Variants in DDX25 observed in about 807,000 individuals in gnomAD.
DDX25 encodes DEAD-box helicase 25, also known as ATP-dependent RNA helicase DDX25.
In DDX25, 70 loss-of-function variants were observed where a neutral mutation model predicts 64.6. That is an observed-to-expected ratio of 1.08 (90% CI 0.89 to 1.32). The LOEUF (loss-of-function observed/expected upper bound fraction) is 1.32, where lower values mean the gene tolerates loss of function less well. Among genes scored for constraint, DDX25 ranks in the 40% most tolerant of loss-of-function variants. DDX25 has a pLI of 0.00. For missense variants in DDX25, 587 were observed against 604.4 expected (o/e 0.97, Z 0.30); for synonymous variants, 211 against 213.3 (o/e 0.99, Z 0.09).
rs1219223444 is a variant in DDX25, at chr11:125,905,957, G to C, written c.176-117G>C. 6.2e-6 allele frequency: 8 copies of C among 1,296,024 alleles called. No homozygotes were observed. The East Asian group carries it at 2.1e-4, about 33-fold the overall frequency. 80.3% of individuals were successfully genotyped at this position (1,296,024 alleles called of 1,614,324 possible). ...TCATTCTTTCTGGAACCCTCTTTTA[G>C]AGGAAAAATGAGCGTAGGTGCAATT... is the stretch of plus-strand genomic sequence containing the variant. On this transcript the variant is annotated intron_variant, in intron 3 of 11. Transcript: ENST00000263576.
At chr11:125,906,774 C>T (rs895006335) in intron 4 of DDX25, among the ~76,000 whole-genome samples, 5 of 137,122 alleles carry the variant, frequency 3.6e-5, no homozygotes, top group East Asian at 2.1e-4. Flanking sequence ...TGCAGTGAGC[C>T]GAGACACCAT....
chr11:125,920,906 C>CCACACACACA (rs1383313967), intron 10 of DDX25: 8 of 249,638 alleles, frequency 3.2e-5, no homozygotes, highest in African/African-American at 2.1e-4. Flanking sequence ...CACCTCTCCA[C>CCACACACACA]CACACACACA....
At position 125,917,227 on chromosome 11, in the gene DDX25, T is replaced by C; in HGVS notation, c.1014T>C (p.Ile338=). The C allele has an allele frequency of 1.2e-6, 2 of 1,607,846 alleles. No individual in the cohort carries two copies. Among genetic ancestry groups the C allele is most frequent in the South Asian group, 1.1e-5 (1 of 89,238 alleles). ...ALCNIYGSIT[I]GQAIIFCQTR... ...GCAACATTTATGGCAGCATCACCATTGGTCAGGCCATCATCTTCTGCCAGG... is the reference window on the plus strand; with the variant it reads ...GCAACATTTATGGCAGCATCACCATCGGTCAGGCCATCATCTTCTGCCAGG... Residue 338 remains isoleucine (I), a synonymous_variant, in exon 9 of 12, where the codon ATT becomes ATC. Coordinates refer to ENST00000263576, the MANE Select transcript of DDX25 (RefSeq NM_013264.5).
intron 8 of DDX25, among the ~76,000 whole-genome samples, chr11:125,915,890 A>G (rs1357916834): frequency 1.3e-5 from 2 of 152,214 alleles, no homozygotes; most frequent in South Asian, 2.1e-4. Flanking sequence ...TCCGTCTTCC[A>G]AAAATGTATT....
chr11:125,907,345 A>T (rs568313703), intron 4 of DDX25, among the ~76,000 whole-genome samples: 16 of 152,324 alleles, frequency 1.1e-4, no homozygotes, highest in African/African-American at 3.8e-4. Context: ...GCGGTGGCTC[A>T]CGCCTGTAAT....
chr11:125,905,662 G>C, intron 3 of DDX25, 65 bp downstream of exon 3: 1 of 1,451,254 alleles, frequency 6.9e-7, no homozygotes, highest in Non-Finnish European at 9.4e-7. Flanking sequence ...CTTTAATAGT[G>C]TGAGTGAATA....
Position 125,906,155 on chromosome 11 carries a change from A to G in DDX25, c.257A>G (p.Gln86Arg). The change falls in exon 4 of 12, where the codon CAG becomes CGG. Residue 86 changes from glutamine (Q) to arginine (R), a missense_variant. By Grantham distance (43) the Gln-to-Arg change is conservative. Coordinates refer to ENST00000263576, the MANE Select transcript of DDX25 (RefSeq NM_013264.5). ...VESSHRVEVL[Q>R]KDPSSPLYSV... ...TCCAGTCACCGTGTGGAAGTTTTAC[A>G]GAAGGATCCCAGCTCTCCACTTTAC... 3 of 1,551,460 alleles carry G rather than the reference A, an allele frequency of 1.9e-6. No homozygotes were observed. The highest frequency in any genetic ancestry group is 2.6e-6 in the Non-Finnish European group (3 of 1,146,912).
chr11:125,908,374 T>C (rs779292446), intron 5 of DDX25, 27 bp from the exon 6 acceptor site: 2 of 1,613,750 alleles, frequency 1.2e-6, no homozygotes, highest in South Asian at 2.2e-5. Context: ...ATTCAGTTTA[T>C]GCCCAGTGGT....
intron 6 of DDX25, among the ~76,000 whole-genome samples, chr11:125,909,153 T>C (rs1314403960): frequency 6.6e-6 from 1 of 152,134 alleles, no homozygotes; most frequent in East Asian, 1.9e-4. Flanking sequence ...TGGTCGTCTC[T>C]CCCTATTTGC....
chr11:125,918,373 G>A (rs1366862547), intron 9 of DDX25, among the ~76,000 whole-genome samples: 3 of 152,160 alleles, frequency 2.0e-5, no homozygotes, highest in African/African-American at 7.2e-5. Context: ...TGAGGCAGAT[G>A]TAGCACATTT....
chr11:125,925,719 T>G lies in DDX25; in HGVS notation c.*2838T>G. On this transcript the variant is annotated 3_prime_UTR_variant, in exon 12 of 12. Transcript: ENST00000263576. ...TGATTACGTAGAGCAGGACTGTGAT[T>G]TCCAGTGGGTAAGTGAACACCTCGC... 3.5e-6 allele frequency: 1 copy of G among 283,210 alleles called. No individual in the cohort carries two copies. Among genetic ancestry groups the G allele is most frequent in the South Asian group, 3.2e-5 (1 of 31,700 alleles). 17.5% of individuals were successfully genotyped at this position (283,210 alleles called of 1,614,324 possible). A position where few individuals can be genotyped will look rare whatever the true frequency, so the allele number is the denominator to read the frequency against.
intron 8 of DDX25, among the ~76,000 whole-genome samples, chr11:125,912,598 C>T (rs1243630529): frequency 1.3e-5 from 2 of 152,138 alleles, no homozygotes; most frequent in African/African-American, 2.4e-5. Flanking sequence ...CATATACATT[C>T]GGTACAAGCA....
At chr11:125,907,363 C>A (rs1256914527) in intron 4 of DDX25, among the ~76,000 whole-genome samples, 2 of 152,170 alleles carry the variant, frequency 1.3e-5, no homozygotes, top group African/African-American at 4.8e-5. Context: ...AATCCCAGCA[C>A]TTTGGGAGGC....
At chr11:125,907,307 T>A (rs544357466) in intron 4 of DDX25, among the ~76,000 whole-genome samples, 1 of 152,244 alleles carries the variant, frequency 6.6e-6, no homozygotes, top group Admixed American at 6.5e-5. Flanking sequence ...AATGTGCATG[T>A]CATTAAAAGT....
chr11:125,922,906 G>T lies in DDX25; in HGVS notation c.*25G>T. The T allele has an allele frequency of 6.3e-7, 1 of 1,588,114 alleles. No individual in the cohort carries two copies. ...AAGAAAGAACTTTATTGTTTGTGCAGTATCCTAGTTTATGTGAGAATGTCT... is the reference window on the plus strand; with the variant it reads ...AAGAAAGAACTTTATTGTTTGTGCATTATCCTAGTTTATGTGAGAATGTCT... On this transcript the variant is annotated 3_prime_UTR_variant, in exon 12 of 12. Coordinates refer to ENST00000263576, the MANE Select transcript of DDX25 (RefSeq NM_013264.5).
chr11:125,918,222 A>G (rs1945064582), intron 9 of DDX25, among the ~76,000 whole-genome samples: 1 of 152,150 alleles, frequency 6.6e-6, no homozygotes, highest in Non-Finnish European at 1.5e-5. Flanking sequence ...CTACTTCATT[A>G]ATTTGTTGTG....
upstream of DDX25, chr11:125,904,428 A>G: frequency 4.0e-6 from 5 of 1,241,388 alleles, no homozygotes; most frequent in Admixed American, 4.1e-5. Context: ...CCTGCCCCCT[A>G]AGGAAGCCCA....
chr11:125,922,802 T>C lies in DDX25; in HGVS notation c.1391-18T>C, dbSNP rs1431944840. 1 of 1,599,000 alleles carries C rather than the reference T, an allele frequency of 6.3e-7. No individual in the cohort carries two copies. Among genetic ancestry groups the C allele is most frequent in the Non-Finnish European group, 8.5e-7 (1 of 1,171,784 alleles). On this transcript the variant is annotated intron_variant, in intron 11 of 11. Transcript: ENST00000263576. Reference sequence around the variant, plus strand: ...GACCCTGACATGAGACTAGTTCTGTTCTCTTTTGTTCTTTTAGACAGCAGT... The same window carrying C: ...GACCCTGACATGAGACTAGTTCTGTCCTCTTTTGTTCTTTTAGACAGCAGT...
chr11:125,910,014 T>A (rs551664602), intron 6 of DDX25, among the ~76,000 whole-genome samples: 7 of 152,242 alleles, frequency 4.6e-5, no homozygotes, highest in African/African-American at 1.7e-4. Context: ...GAACTGTAAT[T>A]TGCCTCGCAT....
Sources: allele counts gnomAD v4.1 joint callset (sites outside exome capture counted in the v4.1 genomes callset), GRCh38; gene constraint gnomAD v4.1.1; transcripts MANE v1.5; gene names NCBI Gene and HGNC (gene_info 2026-07-23, HGNC 2026-07-21).